The following CAND2 variants were observed in gnomAD, a reference collection of about 807,000 sequenced individuals.
CAND2 encodes cullin-associated NEDD8-dissociated protein 2.
In CAND2, 62 loss-of-function variants were observed where a neutral mutation model predicts 98.9. That is an observed-to-expected ratio of 0.63 (90% CI 0.51 to 0.77). The LOEUF (loss-of-function observed/expected upper bound fraction) is 0.77. Ranked by LOEUF, CAND2 falls within the 30% of genes least tolerant of loss-of-function variation. The pLI is 0.00. For missense variants in CAND2, 1,501 were observed against 1,655.2 expected, an observed-to-expected ratio of 0.91 and a Z score of 1.62; for synonymous variants, 770 against 731.9, an observed-to-expected ratio of 1.05 and a Z score of -0.84.
intron 13 of CAND2, 75 bp downstream of exon 13, chr3:12,827,679 G>A: frequency 4.3e-6 from 6 of 1,392,818 alleles, no homozygotes; most frequent in African/African-American, 1.4e-5. Context: ...GGCCATGCTT[G>A]TTTGTCCTTG....
chr3:12,834,104 G>T lies in CAND2; in HGVS notation c.*122G>T, dbSNP rs1301372912. ...CTTCCACCATCTCACTGGGGGCCCT[G>T]TCGCTCCTGGTCAGGGCTTACAGTG... On this transcript the variant is annotated 3_prime_UTR_variant, in exon 15 of 15. Coordinates refer to ENST00000456430, the MANE Select transcript of CAND2 (RefSeq NM_001162499.2). 5 of 764,324 alleles carry T rather than the reference G, an allele frequency of 6.5e-6. No individual in the cohort carries two copies. Among genetic ancestry groups the T allele is most frequent in the African/African-American group, 1.7e-5 (1 of 57,574 alleles). The allele number at this position is 764,324 out of a possible 1,614,324, so 47.3% of individuals were successfully genotyped here. A position where few individuals can be genotyped will look rare whatever the true frequency, so the allele number is the denominator to read the frequency against.
At chr3:12,827,362 T>C (rs1262770520) in intron 12 of CAND2, 78 bp from the exon 13 acceptor site, 1 of 1,363,470 alleles carries the variant, frequency 7.3e-7, no homozygotes, top group Non-Finnish European at 1.0e-6. Flanking sequence ...GGAATAGAGA[T>C]GTGGGGTTTG....
chr3:12,825,400 C>T (rs1198080438), intron 11 of CAND2, 70 bp from the exon 12 acceptor site: 28 of 1,441,912 alleles, frequency 1.9e-5, no homozygotes, highest in Middle Eastern at 2.3e-4. Context: ...ACCAGATGGC[C>T]GGGGTGGTGA....
Position 12,827,533 on chromosome 3 carries a change from C to T in CAND2, c.3304C>T (p.Leu1102=), listed in dbSNP as rs554019583. 1.9e-6 allele frequency: 3 copies of T among 1,614,072 alleles called. No homozygotes were observed. The highest frequency in any genetic ancestry group is 2.5e-6 in the Non-Finnish European group (3 of 1,180,004). ...ECMYSLLESC[L]GQLDICEFLN... Reference sequence around the variant, plus strand: ...CATGTATTCACTGCTTGAGAGCTGCCTGGGCCAGCTGGATATCTGTGAGTT... The same window carrying T: ...CATGTATTCACTGCTTGAGAGCTGCTTGGGCCAGCTGGATATCTGTGAGTT... The change falls in exon 13 of 15, where the codon CTG becomes TTG. Residue 1102 remains leucine (L), a synonymous_variant. Coordinates refer to ENST00000456430, the MANE Select transcript of CAND2 (RefSeq NM_001162499.2).
Position 12,803,589 on chromosome 3 carries a change from T to C in CAND2, c.170T>C (p.Leu57Pro), listed in dbSNP as rs1165504138. 5 of 1,612,970 alleles carry C rather than the reference T, an allele frequency of 3.1e-6. No individual in the cohort carries two copies. The highest frequency in any genetic ancestry group is 3.4e-6 in the Non-Finnish European group (4 of 1,179,504). ...RKVVKMLLRLLEDKNGEVQNL... is the reference protein window; with the variant it reads ...RKVVKMLLRLPEDKNGEVQNL... ...GTGGTGAAGATGCTGCTCCGGCTCCTGGAGGACAAGAACGGTGAGGTGCAG... is the reference window on the plus strand; with the variant it reads ...GTGGTGAAGATGCTGCTCCGGCTCCCGGAGGACAAGAACGGTGAGGTGCAG... Residue 57 changes from leucine (L) to proline (P), a missense_variant, in exon 2 of 15, where the codon CTG (leucine) becomes CCG (proline). Transcript: ENST00000456430.
At chr3:12,822,579 G>C (rs371495819) in intron 11 of CAND2, among the ~76,000 whole-genome samples, 1 of 152,092 alleles carries the variant, frequency 6.6e-6, no homozygotes, top group Non-Finnish European at 1.5e-5. Context: ...GATTCCAGAC[G>C]TGAGCCCCCG....
intron 13 of CAND2, among the ~76,000 whole-genome samples, chr3:12,830,080 C>T (rs1023838092): frequency 6.6e-5 from 10 of 152,146 alleles, no homozygotes; most frequent in Admixed American, 6.5e-5. Flanking sequence ...CTGCAGCGGG[C>T]GTGCCTCTGA....
chr3:12,796,939 G>A (rs116431133), intron 1 of CAND2, 151 bp downstream of exon 1: 15,849 of 686,214 alleles, frequency 0.023, 706 homozygotes, highest in East Asian at 0.17. Flanking sequence ...CTCCCCACAG[G>A]CCCACTCCTG....
intron 5 of CAND2, among the ~76,000 whole-genome samples, chr3:12,811,856 A>G (rs1454293700): frequency 6.6e-6 from 1 of 151,260 alleles, no homozygotes; most frequent in East Asian, 1.9e-4. Context: ...TGCTGGGATT[A>G]CAGGGGTGAG....
chr3:12,807,326 A>G lies in CAND2; in HGVS notation c.233A>G (p.Lys78Arg). Residue 78 changes from lysine to arginine, a missense_variant, in exon 3 of 15, where the codon AAA becomes AGA. By Grantham distance (26) the Lys-to-Arg change is conservative. Around this residue, in one of 3 missense-constraint regions of CAND2, gnomAD observed 12 missense variants for 32.6 expected, o/e 0.37. Coordinates refer to ENST00000456430, the MANE Select transcript of CAND2 (RefSeq NM_001162499.2). ...AVKCLGPLVV[K>R]VKEYQVETIV... ...CTCAGCCTGGGTCCTCTGGTGGTCA[A>G]AGTGAAGGAGTACCAGGTGGAGACC... 6.4e-7 allele frequency: 1 copy of G among 1,551,502 alleles called. No individual in the cohort carries two copies. The highest frequency in any genetic ancestry group is 8.7e-7 in the Non-Finnish European group (1 of 1,146,890).
In CAND2 at chr3:12,816,937, C is replaced by T. The variant is rs759011157; in HGVS notation, c.2005C>T (p.Arg669Ter). 7 of 1,613,438 alleles carry T rather than the reference C, an allele frequency of 4.3e-6. No individual in the cohort carries two copies. Among genetic ancestry groups the T allele is most frequent in the African/African-American group, 1.3e-5 (1 of 74,934 alleles). ...SFLRKNQRAL[R>*]LATLAALDAL... ...CCTGCGGAAGAACCAGCGGGCTTTG[C>T]GACTGGCCACACTGGCAGCCCTGGA... The change falls in exon 10 of 15, where the codon CGA becomes TGA. Residue 669 changes from arginine (R) to a stop codon, truncating the protein, a stop_gained. Coordinates refer to ENST00000456430, the MANE Select transcript of CAND2 (RefSeq NM_001162499.2). LOFTEE classifies it high-confidence loss of function.
Position 12,823,893 on chromosome 3 carries a change from T to C in CAND2, c.3041-1577T>C, listed in dbSNP as rs1020629423. Among the ~76,000 whole-genome samples the C allele has an allele frequency of 6.6e-5, 10 of 152,252 alleles. No homozygotes were observed. The East Asian group carries it at 1.5e-3, about 23-fold the overall frequency. ...TCCTGGGCGACAGAGCGAGACTGTC[T>C]TTTGACTCAAACAAAAAAATGATAA... On this transcript the variant is annotated intron_variant, in intron 11 of 14. Transcript: ENST00000456430.
At chr3:12,806,422 G>A (rs758787241) in intron 2 of CAND2, among the ~76,000 whole-genome samples, 49 of 152,226 alleles carry the variant, frequency 3.2e-4, no homozygotes, top group Non-Finnish European at 5.9e-4. Context: ...CAGGAAGGGA[G>A]CTGGGGCAGA....
Position 12,815,860 on chromosome 3 carries a change from C to T in CAND2, c.1300-7C>T. ...CCCTGACCTTGACTTCCCCCTCCTG[C>T]CCACAGGTGCCCCTTGTGGTCAAGG... On this transcript the variant is annotated splice_polypyrimidine_tract_variant and splice_region_variant and intron_variant, in intron 8 of 14. Transcript: ENST00000456430. This position sits in a 1 kb window ranked among gnomAD's most constrained non-coding sequence, Gnocchi z 5.7. 2 of 1,611,156 alleles carry T rather than the reference C, an allele frequency of 1.2e-6. No individual in the cohort carries two copies. Among genetic ancestry groups the T allele is most frequent in the Non-Finnish European group, 1.7e-6 (2 of 1,178,102 alleles).
In CAND2 at chr3:12,816,457, A is replaced by C. The variant is rs921660230; in HGVS notation, c.1525A>C (p.Thr509Pro). The change falls in exon 10 of 15, where the codon ACC (threonine) becomes CCC (proline). Residue 509 changes from threonine to proline, a missense_variant. By Grantham distance (38) the Thr-to-Pro change is conservative. Around this residue, in one of 3 missense-constraint regions of CAND2, gnomAD observed 1,427 missense variants for 1,545.3 expected, o/e 0.92. Coordinates refer to ENST00000456430, the MANE Select transcript of CAND2 (RefSeq NM_001162499.2). ...ALAFLQGLLG[T>P]EPAEAFHPHL... is the part of the protein sequence containing the mutation. Reference sequence around the variant, plus strand: ...GGCCTTCTTGCAGGGGCTGCTGGGCACCGAACCAGCTGAGGCCTTCCACCC... The same window carrying C: ...GGCCTTCTTGCAGGGGCTGCTGGGCCCCGAACCAGCTGAGGCCTTCCACCC... 24 of 1,613,746 alleles carry C rather than the reference A, an allele frequency of 1.5e-5. No homozygotes were observed. Among genetic ancestry groups the C allele is most frequent in the Non-Finnish European group, 2.0e-5 (24 of 1,179,966 alleles).
rs536475216 is a variant in CAND2, at chr3:12,807,561, T to C, written c.367+101T>C. On this transcript the variant is annotated intron_variant, in intron 3 of 14. Coordinates refer to ENST00000456430, the MANE Select transcript of CAND2 (RefSeq NM_001162499.2). The stretch of plus-strand genomic sequence containing the variant: ...AAAAAAACACTGAGGCTCAGAGAGT[T>C]GAAGAGACATACCTGAGGTCACTCA... The C allele has an allele frequency of 1.2e-4, 149 of 1,237,550 alleles. No homozygotes were observed. The African/African-American group carries it at 2.1e-3, about 17-fold the overall frequency. The allele number at this position is 1,237,550 out of a possible 1,614,324, so 76.7% of individuals were successfully genotyped here.
intron 11 of CAND2, 85 bp from the exon 12 acceptor site, chr3:12,825,385 C>T (rs2061990711): frequency 7.4e-7 from 1 of 1,357,300 alleles, no homozygotes; most frequent in South Asian, 1.4e-5. Flanking sequence ...TGCACGTGCA[C>T]AGTAACCAGA....
intron 12 of CAND2, among the ~76,000 whole-genome samples, chr3:12,825,920 G>A (rs2061995938): frequency 6.6e-6 from 1 of 152,198 alleles, no homozygotes; most frequent in South Asian, 2.1e-4. Flanking sequence ...CAGAACCACC[G>A]CAGGCACACA....
At chr3:12,798,131 A>G (rs1182456067) in intron 1 of CAND2, among the ~76,000 whole-genome samples, 2 of 152,086 alleles carry the variant, frequency 1.3e-5, no homozygotes, top group African/African-American at 4.8e-5. Context: ...ATAAGATAGT[A>G]CATGTGAAAT....
Sources: allele counts gnomAD v4.1 joint callset (sites outside exome capture counted in the v4.1 genomes callset), GRCh38; gene constraint gnomAD v4.1.1; regional missense constraint gnomAD v4.1.1; non-coding constraint Gnocchi (gnomAD v3.1); transcripts MANE v1.5; gene names NCBI Gene and HGNC (gene_info 2026-07-23, HGNC 2026-07-21).